Variants in SMS observed in about 807,000 individuals in gnomAD.
The protein encoded by SMS is spermidine aminopropyltransferase.
In SMS, 3 loss-of-function variants were observed where a neutral mutation model predicts 33.0. That is an observed-to-expected ratio of 0.09 (90% CI 0.04 to 0.23). SMS has a LOEUF of 0.23. Ranked by LOEUF, SMS falls within the 10% of genes least tolerant of loss-of-function variation. The probability of loss-of-function intolerance (pLI) is 1.00; values close to 1 mark genes in which losing one functional copy is unlikely to be tolerated. For missense variants in SMS, 117 were observed against 288.6 expected (o/e 0.41, Z 4.31); for synonymous variants, 103 against 112.2 (o/e 0.92, Z 0.52).
chrX:21,960,846 T>C (rs1480999764), intron 1 of SMS, among the ~76,000 whole-genome samples: 1 of 110,814 alleles, frequency 9.0e-6, no homozygotes, highest in Non-Finnish European at 1.9e-5. Flanking sequence ...CTAAAGTTTT[T>C]GAAGTTGAAA....
intron 2 of SMS, among the ~76,000 whole-genome samples, chrX:21,969,733 T>C (rs977297705): frequency 2.7e-5 from 3 of 112,830 alleles, no homozygotes; most frequent in African/African-American, 9.6e-5. Context: ...AAGGGGTTTT[T>C]GAGTGACAAG....
intron 1 of SMS, among the ~76,000 whole-genome samples, chrX:21,941,885 A>C (rs987905423): frequency 0.041 from 363 of 8,780 alleles, 1 homozygote; most frequent in Admixed American, 0.06. Context: ...ACCCTGTCTC[A>C]AAAAAAAAAA....
At chrX:21,953,008 G>A (rs1922723506) in intron 1 of SMS, among the ~76,000 whole-genome samples, 1 of 108,444 alleles carries the variant, frequency 9.2e-6, no homozygotes, top group African/African-American at 3.4e-5. Flanking sequence ...AGCAGTTGAC[G>A]CACCTTGGCC....
At chrX:21,959,933 G>C (rs1236281359) in intron 1 of SMS, 1 of 752,870 alleles carries the variant, frequency 1.3e-6, no homozygotes, top group African/African-American at 2.3e-5. Flanking sequence ...GAGCAGGCAA[G>C]AAGGGGCCGG....
intron 9 of SMS, among the ~76,000 whole-genome samples, chrX:21,987,992 A>G (rs952946885): frequency 8.9e-6 from 1 of 112,580 alleles, no homozygotes; most frequent in African/African-American, 3.2e-5. Context: ...GCCTTTGCCA[A>G]TAGACTTTTT....
At chrX:21,949,388 TAA>T (rs1327000758) in intron 1 of SMS, among the ~76,000 whole-genome samples, 1 of 112,184 alleles carries the variant, frequency 8.9e-6, no homozygotes, top group Non-Finnish European at 1.9e-5. Flanking sequence ...TGCCAGTGGA[TAA>T]AGATGCTCAG....
At chrX:21,975,600 C>T (rs940202671) in intron 4 of SMS, among the ~76,000 whole-genome samples, 5 of 111,364 alleles carry the variant, frequency 4.5e-5, no homozygotes, top group Non-Finnish European at 7.5e-5. Flanking sequence ...TCCTGTTCGC[C>T]TGCTCTCTAG....
Position 21,957,960 on chromosome X carries a change from T to G in SMS, c.50-9236T>G, listed in dbSNP as rs1462535221. Among the ~76,000 whole-genome samples the G allele has an allele frequency of 9.1e-5, 7 of 76,759 alleles. No individual in the cohort carries two copies. In the South Asian group the frequency reaches 2.5e-3, roughly 28 times the overall value. The allele number at this position is 76,759 out of a possible 115,157, so 66.7% of individuals were successfully genotyped here. ...GCCCACTTTTTGATGGGAATATTTG[T>G]TTTTTTTTTTTTTCTTGCTGATTTA... On this transcript the variant is annotated intron_variant, in intron 1 of 10. Coordinates refer to ENST00000404933, the MANE Select transcript of SMS (RefSeq NM_004595.5).
At chrX:21,967,164 G>T in intron 1 of SMS, 32 bp from the exon 2 acceptor site, 1 of 1,204,917 alleles carries the variant, frequency 8.3e-7, no homozygotes, top group Non-Finnish European at 1.1e-6. Context: ...GTTTCTTTCT[G>T]ACCATCTTGC....
intron 9 of SMS, among the ~76,000 whole-genome samples, 158 bp downstream of exon 9, chrX:21,985,381 G>A (rs1925255675): frequency 8.9e-6 from 1 of 112,126 alleles, no homozygotes; most frequent in Non-Finnish European, 1.9e-5. Context: ...CCTGTTGTCT[G>A]TTGGGAATTA....
chrX:21,991,239 G>A (rs758104534), intron 9 of SMS, among the ~76,000 whole-genome samples: 113 of 111,175 alleles, frequency 1.0e-3, no homozygotes, highest in African/African-American at 3.5e-3. Flanking sequence ...GTGCAGTGGC[G>A]CCATCTCGGC....
chrX:21,962,259 C>CCAG (rs1923410599), intron 1 of SMS, among the ~76,000 whole-genome samples: 1 of 111,843 alleles, frequency 8.9e-6, no homozygotes, highest in Non-Finnish European at 1.9e-5. Context: ...TATCAAGGAA[C>CCAG]CCTGATAGAG....
chrX:21,966,399 C>T (rs1222404168), intron 1 of SMS, among the ~76,000 whole-genome samples: 1 of 112,160 alleles, frequency 8.9e-6, no homozygotes, highest in Non-Finnish European at 1.9e-5. Flanking sequence ...ATTGCATTTA[C>T]CCCTTATTCT....
intron 2 of SMS, among the ~76,000 whole-genome samples, chrX:21,970,581 T>C (rs1924065386): frequency 9.2e-6 from 1 of 109,219 alleles, no homozygotes; most frequent in Non-Finnish European, 1.9e-5. Flanking sequence ...TTTTAAATTT[T>C]TTATAGAGAC....
At chrX:21,972,099 T>G (rs965448042) in intron 3 of SMS, 109 bp downstream of exon 3, 1 of 582,715 alleles carries the variant, frequency 1.7e-6, no homozygotes. Context: ...AATTTTAAAC[T>G]TTCCTCCCTC....
At chrX:21,962,308 T>C (rs1291116704) in intron 1 of SMS, among the ~76,000 whole-genome samples, 2 of 112,401 alleles carry the variant, frequency 1.8e-5, no homozygotes, top group African/African-American at 6.5e-5. Context: ...AGTTCCATAC[T>C]AGACAGGCAT....
chrX:21,959,505 T>G (rs1923192856), intron 1 of SMS, among the ~76,000 whole-genome samples: 1 of 111,717 alleles, frequency 9.0e-6, no homozygotes, highest in African/African-American at 3.3e-5. Flanking sequence ...GCCAGTGGTG[T>G]TGGTGACTTC....
intron 9 of SMS, among the ~76,000 whole-genome samples, chrX:21,988,138 G>A (rs1224437652): frequency 8.9e-6 from 1 of 112,382 alleles, no homozygotes; most frequent in Non-Finnish European, 1.9e-5. Context: ...AACACCTGGG[G>A]TTCATTCAGT....
In SMS at chrX:21,994,531, G is replaced by T. The variant is rs1925960231; in HGVS notation, c.*180G>T. The T allele has an allele frequency of 1.1e-6, 1 of 927,380 alleles. No individual in the cohort carries two copies. The highest frequency in any genetic ancestry group is 4.7e-5 in the Admixed American group (1 of 21,159). 76.4% of individuals were successfully genotyped at this position (927,380 alleles called of 1,213,427 possible). ...ATGTATATTTTGATGAGCTTAGGGT[G>T]TTTTTTTTTTGAAAGTCAGCTGAAG... On this transcript the variant is annotated 3_prime_UTR_variant, in exon 11 of 11. Coordinates refer to ENST00000404933, the MANE Select transcript of SMS (RefSeq NM_004595.5).
Sources: gnomAD v4.1 joint callset for allele counts (sites outside exome capture counted in the v4.1 genomes callset) on GRCh38, gnomAD v4.1.1 for gene constraint, MANE v1.5 for transcripts, NCBI Gene and HGNC (gene_info 2026-07-23, HGNC 2026-07-21) for gene names.